The following SUGCT variants were observed in gnomAD, a reference collection of about 807,000 sequenced individuals.
SUGCT encodes succinyl-CoA:glutarate-CoA transferase.
In SUGCT, 41 loss-of-function variants were observed where a neutral mutation model predicts 55.0. The observed-to-expected ratio is 0.74, with a 90% CI of 0.58 to 0.97. The LOEUF (loss-of-function observed/expected upper bound fraction) is 0.97. Ranked by LOEUF, SUGCT falls within the 50% of genes least tolerant of loss-of-function variation. The pLI is 0.00. For synonymous variants in SUGCT, 187 were observed against 200.4 expected, an observed-to-expected ratio of 0.93 and a Z score of 0.56; for missense variants, 568 against 547.8, an observed-to-expected ratio of 1.04 and a Z score of -0.37.
the SUGCT span, among the ~76,000 whole-genome samples, chr7:41,013,652 T>C: frequency 1.4e-4 from 21 of 152,182 alleles, no homozygotes; most frequent in African/African-American, 4.6e-4. Flanking sequence ...GTGGCTGTAG[T>C]GAATGGGCTG....
At chr7:40,983,304 C>T in the SUGCT span, among the ~76,000 whole-genome samples, 2 of 152,290 alleles carry the variant, frequency 1.3e-5, no homozygotes, top group African/African-American at 4.8e-5. Flanking sequence ...CCTTGCTACC[C>T]TCAACCGTAA....
intron 12 of SUGCT, among the ~76,000 whole-genome samples, chr7:40,648,529 G>T (rs942200657): frequency 2.0e-5 from 3 of 152,148 alleles, no homozygotes; most frequent in Non-Finnish European, 2.9e-5. Flanking sequence ...CCTGTGTCTG[G>T]TACCTGTGAA....
At chr7:40,922,067 G>A in the SUGCT span, among the ~76,000 whole-genome samples, 4 of 152,056 alleles carry the variant, frequency 2.6e-5, no homozygotes, top group Non-Finnish European at 5.9e-5. Flanking sequence ...GTATCTTCCC[G>A]TATTTGTCAC....
the SUGCT span, among the ~76,000 whole-genome samples, chr7:41,034,379 G>A: frequency 6.6e-6 from 1 of 152,112 alleles, no homozygotes; most frequent in Non-Finnish European, 1.5e-5. Flanking sequence ...TTACCTCTGG[G>A]CCAGACTTTT....
At chr7:40,943,287 T>A in the SUGCT span, among the ~76,000 whole-genome samples, 1 of 151,074 alleles carries the variant, frequency 6.6e-6, no homozygotes, top group African/African-American at 2.4e-5. Flanking sequence ...ATTATTATTA[T>A]TTATTATTAT....
chr7:40,799,407 G>C (rs1356503299), intron 13 of SUGCT, among the ~76,000 whole-genome samples: 2 of 152,140 alleles, frequency 1.3e-5, no homozygotes, highest in Non-Finnish European at 2.9e-5. Context: ...TGTGCATTTT[G>C]TGTGAAAGAT....
chr7:40,157,291 C>G (rs1198697880), intron 1 of SUGCT, among the ~76,000 whole-genome samples: 1 of 152,078 alleles, frequency 6.6e-6, no homozygotes, highest in Non-Finnish European at 1.5e-5. Flanking sequence ...AGGTAGATTG[C>G]TTTCTTTCAC....
intron 9 of SUGCT, among the ~76,000 whole-genome samples, chr7:40,342,206 T>C (rs1030764691): frequency 2.6e-5 from 4 of 152,240 alleles, no homozygotes; most frequent in African/African-American, 9.6e-5. Flanking sequence ...CCTCTCTAAT[T>C]GTCATTAGTG....
chr7:40,682,331 A>G (rs1246228258), intron 12 of SUGCT, among the ~76,000 whole-genome samples: 4 of 152,162 alleles, frequency 2.6e-5, no homozygotes, highest in Non-Finnish European at 5.9e-5. Context: ...TGTGAGCAGT[A>G]TTTACCAGAC....
intron 7 of SUGCT, among the ~76,000 whole-genome samples, chr7:40,264,406 T>G (rs1791423190): frequency 6.6e-6 from 1 of 152,206 alleles, no homozygotes; most frequent in Non-Finnish European, 1.5e-5. Context: ...TGTGAACGTC[T>G]GTAAGCATAT....
intron 1 of SUGCT, among the ~76,000 whole-genome samples, chr7:40,147,300 C>T (rs1178336155): frequency 6.6e-6 from 1 of 152,080 alleles, no homozygotes; most frequent in Admixed American, 6.5e-5. Context: ...GATTTCTTAC[C>T]TCTTTTTGAG....
At chr7:40,472,438 G>A (rs1275831375) in intron 11 of SUGCT, among the ~76,000 whole-genome samples, 4 of 152,020 alleles carry the variant, frequency 2.6e-5, no homozygotes, top group Admixed American at 2.0e-4. Flanking sequence ...TGCTAGCAAC[G>A]GCATAAAGGA....
intron 9 of SUGCT, among the ~76,000 whole-genome samples, chr7:40,423,656 C>T (rs1388693484): frequency 1.3e-5 from 2 of 152,072 alleles, no homozygotes; most frequent in Admixed American, 6.5e-5. Context: ...GAAACATTGA[C>T]ATAAACCTCA....
the SUGCT span, among the ~76,000 whole-genome samples, chr7:40,904,471 G>T: frequency 6.6e-6 from 1 of 152,142 alleles, no homozygotes; most frequent in South Asian, 2.1e-4. Flanking sequence ...AAAAATTATT[G>T]TCACATAATA....
At chr7:40,283,697 A>T (rs1488835139) in intron 8 of SUGCT, among the ~76,000 whole-genome samples, 1 of 152,160 alleles carries the variant, frequency 6.6e-6, no homozygotes, top group Admixed American at 6.5e-5. Flanking sequence ...GTGTGGAGAA[A>T]AAGGAACCCT....
chr7:40,904,539 T>C, the SUGCT span, among the ~76,000 whole-genome samples: 1 of 152,010 alleles, frequency 6.6e-6, no homozygotes. Flanking sequence ...GGTTGCAGGG[T>C]GGAAGGAATG....
At chr7:40,591,451 A>T (rs1797712650) in intron 12 of SUGCT, among the ~76,000 whole-genome samples, 1 of 152,224 alleles carries the variant, frequency 6.6e-6, no homozygotes. Flanking sequence ...CCTGGTGAAG[A>T]TCCTGTGAAC....
chr7:40,879,585 A>G, the SUGCT span, among the ~76,000 whole-genome samples: 1 of 152,252 alleles, frequency 6.6e-6, no homozygotes, highest in African/African-American at 2.4e-5. Flanking sequence ...ATCATGGTTC[A>G]AGAAATGTCT....
chr7:40,626,196 TC>T (rs1272174652), intron 12 of SUGCT, among the ~76,000 whole-genome samples: 1 of 152,024 alleles, frequency 6.6e-6, no homozygotes, highest in East Asian at 1.9e-4. Flanking sequence ...TCAGGAAGCT[TC>T]CCCCAGACTC....
Sources: gnomAD v4.1 joint callset for allele counts (sites outside exome capture counted in the v4.1 genomes callset) on GRCh38, gnomAD v4.1.1 for gene constraint, MANE v1.5 for transcripts, NCBI Gene and HGNC (gene_info 2026-07-23, HGNC 2026-07-21) for gene names.